NUP210L: variants seen among roughly 807,000 people sequenced by gnomAD.
NUP210L encodes the protein nucleoporin 210 like.
Under a neutral mutation model 208.5 loss-of-function variants are expected in NUP210L, and 74 were observed. That is an observed-to-expected ratio of 0.35 (90% confidence interval 0.29 to 0.43). The LOEUF is 0.43. Ranked by LOEUF, NUP210L falls within the 20% of genes least tolerant of loss-of-function variation. The pLI is 1.00. For missense variants in NUP210L, 1,843 were observed against 2,289.4 expected (o/e 0.81, Z 3.98); for synonymous variants, 780 against 816.9 (o/e 0.95, Z 0.77).
intron 16 of NUP210L, among the ~76,000 whole-genome samples, chr1:154,080,544 C>T (rs1655266870): frequency 1.3e-5 from 2 of 151,178 alleles, no homozygotes; most frequent in Admixed American, 1.3e-4. Flanking sequence ...ATTTCCCAAG[C>T]ACGGTGGCGT....
intron 32 of NUP210L, 116 bp downstream of exon 32, chr1:154,022,010 T>G: frequency 4.3e-6 from 4 of 922,860 alleles, no homozygotes; most frequent in Non-Finnish European, 6.7e-6. Flanking sequence ...GCTGAGATTA[T>G]GGGTATAAAC....
chr1:154,048,998 C>T (rs181106244), intron 25 of NUP210L, among the ~76,000 whole-genome samples: 23 of 152,210 alleles, frequency 1.5e-4, no homozygotes, highest in African/African-American at 4.1e-4. Context: ...AAGCAGCTTA[C>T]TGGGTGAATC....
chr1:154,145,158 C>T (rs1029797698), intron 2 of NUP210L, among the ~76,000 whole-genome samples: 1 of 151,256 alleles, frequency 6.6e-6, no homozygotes, highest in Non-Finnish European at 1.5e-5. Flanking sequence ...TGGCTCACGC[C>T]TGTAATCCCA....
At chr1:154,097,424 T>C (rs1180832464) in intron 14 of NUP210L, among the ~76,000 whole-genome samples, 1 of 152,158 alleles carries the variant, frequency 6.6e-6, no homozygotes, top group Non-Finnish European at 1.5e-5. Context: ...AGATCTGATT[T>C]GTGGACATTC....
At chr1:154,033,570 T>G (rs1033593346) in intron 27 of NUP210L, among the ~76,000 whole-genome samples, 2 of 152,192 alleles carry the variant, frequency 1.3e-5, no homozygotes, top group Admixed American at 6.6e-5. Context: ...TGTATGAATT[T>G]GTTTCTGGGT....
intron 37 of NUP210L, among the ~76,000 whole-genome samples, chr1:153,996,240 C>G (rs1204910880): frequency 6.6e-6 from 1 of 151,840 alleles, no homozygotes; most frequent in Non-Finnish European, 1.5e-5. Flanking sequence ...AGCAGTGAAC[C>G]GAGATCTCTC....
chr1:154,118,674 T>C (rs1354823730), exon 11 of NUP210L: 1 of 1,586,832 alleles, frequency 6.3e-7, no homozygotes, highest in South Asian at 1.2e-5. Context: ...ACCATACCTG[T>C]ACTTTATAAC....
At chr1:154,038,891 C>G (rs1324323439) in intron 27 of NUP210L, among the ~76,000 whole-genome samples, 1 of 152,166 alleles carries the variant, frequency 6.6e-6, no homozygotes, top group Non-Finnish European at 1.5e-5. Context: ...AAAGGGAAAA[C>G]TAATAAAAAC....
chr1:154,086,128 C>G (rs1227539178), intron 16 of NUP210L, among the ~76,000 whole-genome samples: 2 of 151,090 alleles, frequency 1.3e-5, no homozygotes, highest in African/African-American at 4.9e-5. Flanking sequence ...ATGAGAATAA[C>G]TTGAACCCAG....
chr1:154,100,151 T>A lies in NUP210L; in HGVS notation c.1820-8A>T. 1.2e-6 allele frequency: 2 copies of A among 1,613,648 alleles called. No homozygotes were observed. Among genetic ancestry groups the A allele is most frequent in the Non-Finnish European group, 1.7e-6 (2 of 1,179,742 alleles). ...GTCCAGGTCTTTGAATACCTGTGAATCAAAAACCATGATTTTGGCAGGGCG... is the reference window on the plus strand; with the variant it reads ...GTCCAGGTCTTTGAATACCTGTGAAACAAAAACCATGATTTTGGCAGGGCG... On this transcript the variant is annotated splice_region_variant and splice_polypyrimidine_tract_variant and intron_variant, in intron 13 of 39. Coordinates refer to ENST00000368559, the Ensembl canonical transcript of NUP210L.
chr1:154,013,263 T>C (rs1259287299), intron 33 of NUP210L, among the ~76,000 whole-genome samples: 1 of 151,872 alleles, frequency 6.6e-6, no homozygotes, highest in African/African-American at 2.4e-5. Flanking sequence ...ATCTTCCCTT[T>C]GTATGACTCC....
chr1:154,094,911 T>G, intron 15 of NUP210L, 24 bp downstream of exon 15: 1 of 1,560,942 alleles, frequency 6.4e-7, no homozygotes, highest in Non-Finnish European at 8.8e-7. Context: ...CTAAAGAAAA[T>G]GTTATAAAAA....
At chr1:154,151,297 A>T (rs1039938095) in intron 2 of NUP210L, among the ~76,000 whole-genome samples, 2 of 122,390 alleles carry the variant, frequency 1.6e-5, no homozygotes, top group African/African-American at 4.6e-5. Context: ...TGATTCTTAG[A>T]CACTCGTTTT....
At chr1:154,061,286 G>A (rs1014115881) in intron 18 of NUP210L, among the ~76,000 whole-genome samples, 1 of 151,984 alleles carries the variant, frequency 6.6e-6, no homozygotes. Context: ...GATGAGGCAG[G>A]AGAATCGCTT....
intron 13 of NUP210L, among the ~76,000 whole-genome samples, chr1:154,102,695 A>G (rs1388823156): frequency 6.6e-6 from 1 of 152,224 alleles, no homozygotes; most frequent in African/African-American, 2.4e-5. Flanking sequence ...ATATTGATGA[A>G]AAAACAATGG....
At chr1:154,120,081 C>T (rs375424258) in intron 10 of NUP210L, among the ~76,000 whole-genome samples, 6 of 152,272 alleles carry the variant, frequency 3.9e-5, no homozygotes, top group Admixed American at 2.0e-4. Flanking sequence ...TTAATGATTG[C>T]CATTCTAACT....
chr1:154,052,192 A>G (rs1653542724), intron 25 of NUP210L, among the ~76,000 whole-genome samples: 1 of 152,230 alleles, frequency 6.6e-6, no homozygotes, highest in Non-Finnish European at 1.5e-5. Flanking sequence ...CCGTTAGCAA[A>G]AAGTTGGGAA....
intron 12 of NUP210L, among the ~76,000 whole-genome samples, chr1:154,106,785 G>C (rs1656784121): frequency 6.6e-6 from 1 of 152,240 alleles, no homozygotes; most frequent in Admixed American, 6.5e-5. Context: ...AAGTCTGCAA[G>C]AGTCACAGCT....
At chr1:153,997,298 T>C (rs1649947247) in intron 37 of NUP210L, among the ~76,000 whole-genome samples, 1 of 151,406 alleles carries the variant, frequency 6.6e-6, no homozygotes, top group Non-Finnish European at 1.5e-5. Context: ...AATTTAAATG[T>C]TTTTCTTTAA....
Sources: gnomAD v4.1 joint callset for allele counts (sites outside exome capture counted in the v4.1 genomes callset) on GRCh38, gnomAD v4.1.1 for gene constraint, MANE v1.5 for transcripts, NCBI Gene and HGNC (gene_info 2026-07-23, HGNC 2026-07-21) for gene names.